The following UBE2Q2 variants were observed in gnomAD, a reference collection of about 807,000 sequenced individuals.
The protein encoded by UBE2Q2 is ubiquitin-conjugating enzyme E2 Q2.
UBE2Q2 carries 54 observed loss-of-function variants against 59.9 expected under a neutral mutation model. The observed-to-expected ratio is 0.90, with a 90% CI of 0.72 to 1.13. UBE2Q2 has a LOEUF of 1.13. Among genes scored for constraint, UBE2Q2 ranks in the 50% most tolerant of loss-of-function variants. The pLI is 0.00. For missense variants in UBE2Q2, 433 were observed against 441.9 expected (o/e 0.98, Z 0.18); for synonymous variants, 165 against 155.2 (o/e 1.06, Z -0.47).
intron 3 of UBE2Q2, among the ~76,000 whole-genome samples, chr15:75,867,344 C>G (rs1897551186): frequency 6.6e-6 from 1 of 152,112 alleles, no homozygotes; most frequent in Non-Finnish European, 1.5e-5. Flanking sequence ...TCTGATTCTT[C>G]TGAAAAAAAG....
rs2141691383 is a variant in UBE2Q2 at position 75,900,061 on chromosome 15, T to A, written c.*603T>A. On this transcript the variant is annotated 3_prime_UTR_variant, in exon 13 of 13. Transcript: ENST00000267938. ...CTTAATTGAGTTGTATTGTACTTCT[T>A]AGGCAAAGCAGTGTAAAACTGTATC... 6.5e-6 allele frequency: 1 copy of A among 152,744 alleles called. No homozygotes were observed. The highest frequency in any genetic ancestry group is 1.9e-4 in the East Asian group (1 of 5,180). The allele number at this position is 152,744 out of a possible 1,614,324, so 9.5% of individuals were successfully genotyped here. A position where few individuals can be genotyped will look rare whatever the true frequency, so the allele number is the denominator to read the frequency against.
At chr15:75,853,564 T>A (rs1015425481) in intron 1 of UBE2Q2, among the ~76,000 whole-genome samples, 4 of 152,094 alleles carry the variant, frequency 2.6e-5, no homozygotes, top group African/African-American at 9.7e-5. Context: ...TTGGTAGTAC[T>A]TGGTTTGTGT....
chr15:75,859,797 T>G, intron 2 of UBE2Q2, 81 bp from the exon 3 acceptor site: 1 of 948,174 alleles, frequency 1.1e-6, no homozygotes, highest in East Asian at 2.8e-5. Context: ...CCTACTGGAT[T>G]GATTACAGTA....
chr15:75,862,189 G>A (rs577804633), intron 3 of UBE2Q2, among the ~76,000 whole-genome samples: 2 of 152,012 alleles, frequency 1.3e-5, no homozygotes, highest in Admixed American at 1.3e-4. Flanking sequence ...CTGTGGGATG[G>A]GCCCATCCAA....
intron 9 of UBE2Q2, among the ~76,000 whole-genome samples, chr15:75,884,396 G>C (rs1046218762): frequency 7.2e-5 from 11 of 152,170 alleles, no homozygotes; most frequent in African/African-American, 2.7e-4. Context: ...TGTTCCTACA[G>C]TTATTTTTAG....
chr15:75,876,265 A>G lies in UBE2Q2; in HGVS notation c.667A>G (p.Lys223Glu). The change falls in exon 6 of 13, where the codon AAA becomes GAA. Residue 223 changes from lysine to glutamate, a missense_variant. Physicochemically the swap from Lys to Glu is moderately conservative, Grantham distance 56. Transcript: ENST00000267938. ...GGACATATACAGATCACAGAGTTAT[A>G]AAACAGGTAAGGATCTCTGGATCCC... ...LRDIYRSQSY[K>E]TGIYSVELIN... The G allele has an allele frequency of 6.2e-7, 1 of 1,613,192 alleles. No homozygotes were observed. The highest frequency in any genetic ancestry group is 1.3e-5 in the African/African-American group (1 of 74,986).
At chr15:75,848,532 A>G (rs191730420) in intron 1 of UBE2Q2, among the ~76,000 whole-genome samples, 3 of 152,328 alleles carry the variant, frequency 2.0e-5, no homozygotes, top group Admixed American at 6.5e-5. Context: ...TTTATAATAT[A>G]GGGTCAAATT....
chr15:75,862,652 CA>C (rs1897257870), intron 3 of UBE2Q2, among the ~76,000 whole-genome samples: 1 of 150,474 alleles, frequency 6.6e-6, no homozygotes. Flanking sequence ...CCCATCTTTA[CA>C]AAAAATAAAA....
rs1428656294 is a variant in UBE2Q2 at position 75,878,007 on chromosome 15, T to C, written c.720T>C (p.His240=). 3 of 1,613,766 alleles carry C rather than the reference T, an allele frequency of 1.9e-6. No individual in the cohort carries two copies. In the East Asian group the frequency reaches 6.7e-5, roughly 36 times the overall value. ...ELINDSLYDW[H]VKLQKVDPDS... is the part of the protein sequence containing the mutation. ...TAAATGACAGTTTATATGACTGGCA[T>C]GTTAAACTGCAGAAGTAAGTGGCTT... The change falls in exon 7 of 13, where the codon CAT becomes CAC. Residue 240 remains histidine (H), a synonymous_variant. Coordinates refer to ENST00000267938, the MANE Select transcript of UBE2Q2 (RefSeq NM_173469.4).
chr15:75,852,441 A>G (rs1209200650), intron 1 of UBE2Q2, among the ~76,000 whole-genome samples: 2 of 152,220 alleles, frequency 1.3e-5, no homozygotes, highest in East Asian at 1.9e-4. Flanking sequence ...TTAGATCTAC[A>G]GTGTATCATA....
chr15:75,850,242 A>G (rs1896560793), intron 1 of UBE2Q2, among the ~76,000 whole-genome samples: 1 of 152,216 alleles, frequency 6.6e-6, no homozygotes, highest in Non-Finnish European at 1.5e-5. Flanking sequence ...ACTAGGAGAT[A>G]TGATTCTACC....
chr15:75,891,802 G>A (rs1340557148), intron 11 of UBE2Q2, among the ~76,000 whole-genome samples: 1 of 152,176 alleles, frequency 6.6e-6, no homozygotes, highest in Admixed American at 6.5e-5. Flanking sequence ...AAAGCCGGAG[G>A]TTTGTTACCA....
intron 6 of UBE2Q2, 130 bp downstream of exon 6, chr15:75,876,401 C>A: frequency 1.3e-6 from 1 of 778,780 alleles, no homozygotes; most frequent in Non-Finnish European, 1.9e-6. Flanking sequence ...GAATGTGAAA[C>A]TCAAATGCAA....
intron 3 of UBE2Q2, 34 bp from the exon 4 acceptor site, chr15:75,868,917 T>A (rs769683625): frequency 3.1e-6 from 5 of 1,606,100 alleles, no homozygotes; most frequent in Non-Finnish European, 4.3e-6. Context: ...ATATTTGTTC[T>A]GTATAGCCCT....
chr15:75,895,818 A>G (rs1899386913), intron 11 of UBE2Q2, among the ~76,000 whole-genome samples: 1 of 152,148 alleles, frequency 6.6e-6, no homozygotes, highest in Admixed American at 6.5e-5. Flanking sequence ...GTAGAGGGCA[A>G]TTTAGCAATA....
chr15:75,899,248 C>G (rs1174687955), intron 12 of UBE2Q2, among the ~76,000 whole-genome samples, 179 bp from the exon 13 acceptor site: 1 of 150,048 alleles, frequency 6.7e-6, no homozygotes. Context: ...GCACTCCAGC[C>G]TAGGTAACAG....
intron 7 of UBE2Q2, 35 bp from the exon 8 acceptor site, chr15:75,879,063 T>C: frequency 1.4e-6 from 2 of 1,474,598 alleles, no homozygotes; most frequent in Admixed American, 2.4e-5. Flanking sequence ...TCTCTAACTT[T>C]TTATTTGAAC....
chr15:75,860,264 G>A (rs1248366560), intron 3 of UBE2Q2, among the ~76,000 whole-genome samples: 1 of 151,958 alleles, frequency 6.6e-6, no homozygotes, highest in African/African-American at 2.4e-5. Context: ...TTCTTTCATA[G>A]TTTGTCTTTG....
rs1896138437 is a variant in UBE2Q2, at chr15:75,843,653, G to A, written c.-14G>A. The A allele has an allele frequency of 6.3e-7, 1 of 1,583,208 alleles. No individual in the cohort carries two copies. The highest frequency in any genetic ancestry group is 1.7e-5 in the Admixed American group (1 of 57,166). On this transcript the variant is annotated 5_prime_UTR_variant, in exon 1 of 13. Coordinates refer to ENST00000267938, the MANE Select transcript of UBE2Q2 (RefSeq NM_173469.4). ...CTCCCCTTCCGCGCCCCTCCCGCCG[G>A]AGATGAGGGGAAGATGTCCGTGTCA... is the stretch of plus-strand genomic sequence containing the variant.
Sources: gnomAD v4.1 joint callset for allele counts (sites outside exome capture counted in the v4.1 genomes callset) on GRCh38, gnomAD v4.1.1 for gene constraint, MANE v1.5 for transcripts, NCBI Gene and HGNC (gene_info 2026-07-23, HGNC 2026-07-21) for gene names.